Variants in OCIAD1 observed in about 807,000 individuals in gnomAD.
The protein encoded by OCIAD1 is OCIA domain containing 1, also known as OCIA domain-containing protein 1.
Under a neutral mutation model 38.9 loss-of-function variants are expected in OCIAD1, and 29 were observed. The observed-to-expected ratio is 0.74, with a 90% CI of 0.55 to 1.02. OCIAD1 has a LOEUF of 1.02. Ranked by LOEUF, OCIAD1 falls within the 50% of genes least tolerant of loss-of-function variation. OCIAD1 has a pLI of 0.00. For missense variants in OCIAD1, 288 were observed against 289.6 expected, an observed-to-expected ratio of 0.99 and a Z score of 0.04; for synonymous variants, 110 against 92.0, an observed-to-expected ratio of 1.20 and a Z score of -1.12.
chr4:48,822,966 G>A (rs1777208520), intron 1 of OCIAD1, among the ~76,000 whole-genome samples: 1 of 152,214 alleles, frequency 6.6e-6, no homozygotes, highest in Non-Finnish European at 1.5e-5. Context: ...TTCAACCATT[G>A]TGGAAGACAG....
At chr4:48,811,243 T>G (rs186971176) in intron 1 of OCIAD1, among the ~76,000 whole-genome samples, 1 of 152,292 alleles carries the variant, frequency 6.6e-6, no homozygotes, top group African/African-American at 2.4e-5. Context: ...GTCCCCTAAC[T>G]GGCCTCCACG....
chr4:48,822,151 A>G (rs903060471), intron 1 of OCIAD1, among the ~76,000 whole-genome samples: 1 of 152,228 alleles, frequency 6.6e-6, no homozygotes, highest in African/African-American at 2.4e-5. Flanking sequence ...ACTATACTAC[A>G]AGGCTACAGT....
chr4:48,860,846 C>G lies in OCIAD1; in HGVS notation c.*84C>G. On this transcript the variant is annotated 3_prime_UTR_variant, in exon 9 of 9. Coordinates refer to ENST00000264312, the MANE Select transcript of OCIAD1 (RefSeq NM_017830.4). ...GATTACCTGCATGCTTTGAGCTCAG[C>G]AGCAGTCTTCATAAACACATTTAAA... 1.1e-6 allele frequency: 1 copy of G among 943,300 alleles called. No individual in the cohort carries two copies. Among genetic ancestry groups the G allele is most frequent in the Non-Finnish European group, 1.7e-6 (1 of 585,476 alleles). The allele number at this position is 943,300 out of a possible 1,614,324, so 58.4% of individuals were successfully genotyped here.
At chr4:48,811,442 T>G (rs566783883) in intron 1 of OCIAD1, among the ~76,000 whole-genome samples, 20 of 152,246 alleles carry the variant, frequency 1.3e-4, no homozygotes, top group South Asian at 4.1e-4. Context: ...TACTCCACCA[T>G]TCTTTTCCTC....
chr4:48,844,044 G>A (rs565342301), intron 4 of OCIAD1, among the ~76,000 whole-genome samples: 1 of 152,270 alleles, frequency 6.6e-6, no homozygotes, highest in South Asian at 2.1e-4. Flanking sequence ...GATCTTTGTA[G>A]GGCTGTTGTA....
intron 4 of OCIAD1, 117 bp downstream of exon 4, chr4:48,842,806 G>C (rs1560427199): frequency 3.5e-6 from 2 of 570,224 alleles, no homozygotes; most frequent in East Asian, 6.6e-5. Context: ...ACACTATGTA[G>C]AAATTCATTG....
chr4:48,811,111 A>C (rs990518342), intron 1 of OCIAD1, among the ~76,000 whole-genome samples: 2 of 151,448 alleles, frequency 1.3e-5, no homozygotes, highest in Admixed American at 6.6e-5. Context: ...TCCACCTTGG[A>C]CTCCCAAAGT....
At chr4:48,853,630 G>A (rs114223690) in intron 7 of OCIAD1, among the ~76,000 whole-genome samples, 3,258 of 152,332 alleles carry the variant, frequency 0.021, 41 homozygotes, top group Middle Eastern at 0.037. Flanking sequence ...GTAGGTCAGA[G>A]TAGCCGCTAG....
chr4:48,821,176 G>A (rs552257185), intron 1 of OCIAD1, among the ~76,000 whole-genome samples: 3 of 152,236 alleles, frequency 2.0e-5, no homozygotes, highest in African/African-American at 7.2e-5. Flanking sequence ...ACCAAATCGA[G>A]CAGCACATTA....
At chr4:48,854,143 A>G (rs1409693075) in intron 7 of OCIAD1, among the ~76,000 whole-genome samples, 2 of 152,142 alleles carry the variant, frequency 1.3e-5, no homozygotes, top group African/African-American at 2.4e-5. Flanking sequence ...GTCCCCCCTT[A>G]TCCATGGGGG....
intron 7 of OCIAD1, among the ~76,000 whole-genome samples, chr4:48,852,882 G>GTTTT (rs1439653723): frequency 1.6e-5 from 2 of 126,328 alleles, no homozygotes; most frequent in Admixed American, 7.9e-5. Flanking sequence ...TTTGTTTTTT[G>GTTTT]TTTTTTTTTT....
chr4:48,857,078 G>T, intron 7 of OCIAD1, 135 bp from the exon 8 acceptor site: 2 of 423,426 alleles, frequency 4.7e-6, no homozygotes, highest in Non-Finnish European at 8.4e-6. Context: ...TAGTACCTGT[G>T]AAATGGTGGT....
intron 1 of OCIAD1, 142 bp from the exon 2 acceptor site, chr4:48,832,478 C>T (rs542856846): frequency 2.0e-5 from 13 of 642,156 alleles, no homozygotes; most frequent in South Asian, 7.7e-5. Flanking sequence ...ATGTGGAGTA[C>T]GTAAGATATA....
chr4:48,836,639 G>A (rs1257746347), intron 3 of OCIAD1, among the ~76,000 whole-genome samples: 2 of 152,206 alleles, frequency 1.3e-5, no homozygotes, highest in Non-Finnish European at 2.9e-5. Flanking sequence ...AAAGGATAAA[G>A]TTTGGATAGT....
chr4:48,825,194 G>C (rs1468489897), intron 1 of OCIAD1, among the ~76,000 whole-genome samples: 6 of 152,176 alleles, frequency 3.9e-5, no homozygotes, highest in Admixed American at 3.9e-4. Flanking sequence ...ATATGGGCTT[G>C]CTCCTTGGGG....
At chr4:48,847,384 C>T (rs974020057) in intron 4 of OCIAD1, among the ~76,000 whole-genome samples, 6 of 152,070 alleles carry the variant, frequency 3.9e-5, no homozygotes, top group Non-Finnish European at 5.9e-5. Context: ...ATTTTTTCCC[C>T]ACTCTGTTTA....
intron 3 of OCIAD1, among the ~76,000 whole-genome samples, chr4:48,838,021 G>A (rs1285744253): frequency 6.6e-6 from 1 of 152,004 alleles, no homozygotes; most frequent in Non-Finnish European, 1.5e-5. Context: ...ATCACAGGTT[G>A]AAAAGACAAA....
intron 1 of OCIAD1, among the ~76,000 whole-genome samples, 187 bp from the exon 2 acceptor site, chr4:48,832,433 C>G (rs1297575894): frequency 4.6e-5 from 7 of 152,274 alleles, no homozygotes; most frequent in African/African-American, 1.4e-4. Flanking sequence ...CCAAATTAAT[C>G]AGTAGGTCTG....
At chr4:48,814,025 G>T (rs1228603779) in intron 1 of OCIAD1, among the ~76,000 whole-genome samples, 1 of 152,118 alleles carries the variant, frequency 6.6e-6, no homozygotes, top group Non-Finnish European at 1.5e-5. Flanking sequence ...AGATTGATGT[G>T]TAGGACCCAG....
Sources: allele counts gnomAD v4.1 joint callset (sites outside exome capture counted in the v4.1 genomes callset), GRCh38; gene constraint gnomAD v4.1.1; transcripts MANE v1.5; gene names NCBI Gene and HGNC (gene_info 2026-07-23, HGNC 2026-07-21).